DNAJB13: variants seen among roughly 807,000 people sequenced by gnomAD.
DNAJB13 encodes dnaJ homolog subfamily B member 13.
A neutral mutation model predicts 35.6 loss-of-function variants in DNAJB13; 22 were observed. That is an observed-to-expected ratio of 0.62 (90% CI 0.44 to 0.88). The LOEUF is 0.88. DNAJB13 is among the 40% of genes least tolerant of loss of function. The pLI is 0.00. For synonymous variants in DNAJB13, 136 were observed against 144.2 expected (o/e 0.94, Z 0.41); for missense variants, 370 against 384.3 (o/e 0.96, Z 0.31).
chr11:73,970,187 G>A lies in DNAJB13; in HGVS notation c.*73G>A. 3 of 1,513,054 alleles carry A rather than the reference G, an allele frequency of 2.0e-6. No individual in the cohort carries two copies. Among genetic ancestry groups the A allele is most frequent in the Non-Finnish European group, 2.7e-6 (3 of 1,129,758 alleles). 93.7% of individuals were successfully genotyped at this position (1,513,054 alleles called of 1,614,324 possible). ...CCCACCCCTACCCGCCACAGCCTCA[G>A]GGTGTGCAGGGGAGCCTGCTGCACA... On this transcript the variant is annotated 3_prime_UTR_variant, in exon 8 of 8. Coordinates refer to ENST00000339764, the MANE Select transcript of DNAJB13 (RefSeq NM_153614.4).
In DNAJB13 at chr11:73,958,533, C is replaced by A; in HGVS notation, c.172+113C>A. ...ACGAGGAAGCATCCTTCTTCCCTGC[C>A]TAGAATCTAGACACACAGAGAAGAC... On this transcript the variant is annotated intron_variant, in intron 2 of 7. Transcript: ENST00000339764. 3.1e-6 allele frequency: 3 copies of A among 963,930 alleles called. No individual in the cohort carries two copies. In the South Asian group the frequency reaches 4.6e-5, roughly 15 times the overall value. The allele number at this position is 963,930 out of a possible 1,614,324, so 59.7% of individuals were successfully genotyped here.
Position 73,954,926 on chromosome 11 carries a change from G to A in DNAJB13, c.69-3391G>A, listed in dbSNP as rs547492230. The stretch of plus-strand genomic sequence containing the variant: ...AGATTGAGTCATTGTACTCCAGCCT[G>A]AGCAACAAGAGCAAAACTCCATTTC... On this transcript the variant is annotated intron_variant, in intron 1 of 7. Coordinates refer to ENST00000339764, the MANE Select transcript of DNAJB13 (RefSeq NM_153614.4). Among the ~76,000 whole-genome samples, 42 of 152,034 alleles carry A rather than the reference G, an allele frequency of 2.8e-4. 2 individuals are homozygous for A. Among genetic ancestry groups the A allele is most frequent in the Admixed American group, 2.7e-3 (41 of 15,266 alleles).
In DNAJB13 at chr11:73,970,160, A is replaced by C. The variant is rs368838556; in HGVS notation, c.*46A>C. On this transcript the variant is annotated 3_prime_UTR_variant, in exon 8 of 8. Transcript: ENST00000339764. ...GGTGAGAGGAGGCTAGCCGGGCCTC[A>C]CCCCACCCCTACCCGCCACAGCCTC... 288 of 1,503,178 alleles carry C rather than the reference A, an allele frequency of 1.9e-4. No homozygotes were observed. In the Middle Eastern group the frequency reaches 0.03, roughly 156 times the overall value. The allele number at this position is 1,503,178 out of a possible 1,614,324, so 93.1% of individuals were successfully genotyped here.
At chr11:73,969,939 C>A in intron 7 of DNAJB13, 22 bp from the exon 8 acceptor site, 2 of 1,599,042 alleles carry the variant, frequency 1.3e-6, no homozygotes, top group Non-Finnish European at 1.7e-6. Flanking sequence ...CCTCTATGCT[C>A]CTTTCTTTCA....
chr11:73,952,176 C>G (rs899675889), intron 1 of DNAJB13, among the ~76,000 whole-genome samples: 1 of 152,112 alleles, frequency 6.6e-6, no homozygotes, highest in East Asian at 1.9e-4. Context: ...TGGAAGTTAT[C>G]TTGGAAGGAG....
chr11:73,968,509 G>A (rs748345688), intron 6 of DNAJB13, 51 bp downstream of exon 6: 48 of 1,497,368 alleles, frequency 3.2e-5, no homozygotes, highest in Non-Finnish European at 4.2e-5. Context: ...AGTGAGCCCT[G>A]CCTGCCCCGG....
chr11:73,963,648 T>G (rs1350291057), intron 3 of DNAJB13: 3 of 152,138 alleles, frequency 2.0e-5, no homozygotes, highest in African/African-American at 4.8e-5. Flanking sequence ...TAGGTCTGGG[T>G]GAACAAGTGA....
At chr11:73,968,027 C>T in intron 5 of DNAJB13, 1 of 489,028 alleles carries the variant, frequency 2.0e-6, no homozygotes, top group Non-Finnish European at 3.6e-6. Flanking sequence ...AAGACAGAGA[C>T]ATACGGGCAG....
At chr11:73,966,116 C>G (rs1286694318) in intron 4 of DNAJB13, 22 bp from the exon 5 acceptor site, 2 of 1,602,834 alleles carry the variant, frequency 1.2e-6, no homozygotes, top group Admixed American at 3.4e-5. Context: ...CAGACCTCCC[C>G]ACACCTGATA....
intron 3 of DNAJB13, among the ~76,000 whole-genome samples, chr11:73,962,736 T>C (rs1426000195): frequency 2.0e-5 from 3 of 152,208 alleles, no homozygotes; most frequent in African/African-American, 7.2e-5. Context: ...TCCTTCTCTT[T>C]TCTGTGCCAA....
chr11:73,954,507 G>A (rs1415352747), intron 1 of DNAJB13, among the ~76,000 whole-genome samples: 1 of 151,226 alleles, frequency 6.6e-6, no homozygotes, highest in East Asian at 1.9e-4. Flanking sequence ...GCAGGTGCCT[G>A]TAGTCCCAGC....
Position 73,968,355 on chromosome 11 carries a change from T to A in DNAJB13, c.617T>A (p.Ile206Asn), listed in dbSNP as rs200348494. ...GCGTCCCCTGCCCAGGGCCCCAACA[T>A]CATCCCAGCAGACATCATTTTCATC... is the stretch of plus-strand genomic sequence containing the variant. The part of the protein sequence containing the change: ...FEKEGDQGPN[I>N]IPADIIFIVK... Residue 206 changes from isoleucine to asparagine, a missense_variant, in exon 6 of 8, where the codon ATC becomes AAC. Transcript: ENST00000339764. The A allele has an allele frequency of 1.9e-6, 3 of 1,613,972 alleles. No individual in the cohort carries two copies. The highest frequency in any genetic ancestry group is 1.1e-5 in the South Asian group (1 of 91,080).
At chr11:73,957,485 C>T (rs775542307) in intron 1 of DNAJB13, among the ~76,000 whole-genome samples, 4 of 152,170 alleles carry the variant, frequency 2.6e-5, no homozygotes, top group Non-Finnish European at 5.9e-5. Flanking sequence ...GGGTCACTGC[C>T]GATACATATT....
At chr11:73,962,034 C>T (rs1489866938) in intron 3 of DNAJB13, among the ~76,000 whole-genome samples, 2 of 152,190 alleles carry the variant, frequency 1.3e-5, no homozygotes, top group Non-Finnish European at 2.9e-5. Flanking sequence ...CTCAGGTGAT[C>T]CGCCTGCGTC....
intron 1 of DNAJB13, among the ~76,000 whole-genome samples, chr11:73,956,333 G>T (rs955936158): frequency 6.6e-6 from 1 of 152,212 alleles, no homozygotes; most frequent in Non-Finnish European, 1.5e-5. Context: ...AAGCTGGGAG[G>T]AGCTGCAGAG....
intron 1 of DNAJB13, among the ~76,000 whole-genome samples, chr11:73,954,637 A>AAAAT (rs1554989390): frequency 7.9e-6 from 1 of 126,036 alleles, no homozygotes; most frequent in East Asian, 2.4e-4. Context: ...CTCAAAAAAA[A>AAAAT]AAAATAAAAT....
chr11:73,960,419 T>C (rs989397739), intron 3 of DNAJB13, among the ~76,000 whole-genome samples: 7 of 152,234 alleles, frequency 4.6e-5, no homozygotes, highest in Non-Finnish European at 1.0e-4. Context: ...TGACCTCAGC[T>C]GATCTGCCCA....
chr11:73,969,479 C>T (rs1442696009), intron 7 of DNAJB13, among the ~76,000 whole-genome samples, 157 bp downstream of exon 7: 1 of 152,236 alleles, frequency 6.6e-6, no homozygotes, highest in African/African-American at 2.4e-5. Flanking sequence ...TGAACCCACA[C>T]TGGCCAAGCT....
At chr11:73,966,278 T>C in intron 5 of DNAJB13, 27 bp downstream of exon 5, 3 of 1,596,592 alleles carry the variant, frequency 1.9e-6, no homozygotes, top group Non-Finnish European at 2.6e-6. Context: ...CTGACTCAGG[T>C]CAGTCACTGA....
Sources: allele counts gnomAD v4.1 joint callset (sites outside exome capture counted in the v4.1 genomes callset), GRCh38; gene constraint gnomAD v4.1.1; transcripts MANE v1.5; gene names NCBI Gene and HGNC (gene_info 2026-07-23, HGNC 2026-07-21).